Variants in DIP2C observed in about 807,000 individuals in gnomAD.
DIP2C encodes disco-interacting protein 2 homolog C.
In DIP2C, 33 loss-of-function variants were observed where a neutral mutation model predicts 192.4. The observed-to-expected ratio is 0.17, with a 90% CI of 0.13 to 0.23. The LOEUF (loss-of-function observed/expected upper bound fraction) is 0.23, where lower values mean the gene tolerates loss of function less well. Ranked by LOEUF, DIP2C falls within the 10% of genes least tolerant of loss-of-function variation. The probability of loss-of-function intolerance (pLI) is 1.00; values close to 1 mark genes in which losing one functional copy is unlikely to be tolerated. For missense variants in DIP2C, 1,537 were observed against 2,110.1 expected (o/e 0.73, Z 5.32); for synonymous variants, 979 against 864.1 (o/e 1.13, Z -2.33).
chr10:526,224 C>G (rs1227432358), intron 1 of DIP2C, among the ~76,000 whole-genome samples: 2 of 152,136 alleles, frequency 1.3e-5, no homozygotes, highest in South Asian at 4.1e-4. Flanking sequence ...CCCACAGCCG[C>G]GTGGTTTCCA....
At chr10:366,618 G>A (rs1403912549) in intron 18 of DIP2C, among the ~76,000 whole-genome samples, 1 of 152,112 alleles carries the variant, frequency 6.6e-6, no homozygotes. Flanking sequence ...TTTCATAGTT[G>A]AAACATCAAT....
chr10:552,426 AG>A (rs889714624), intron 1 of DIP2C, among the ~76,000 whole-genome samples: 1 of 152,228 alleles, frequency 6.6e-6, no homozygotes, highest in Non-Finnish European at 1.5e-5. Flanking sequence ...GGAAACAGAG[AG>A]GGAAATTTCT....
chr10:308,724 A>G (rs1399296754), intron 32 of DIP2C, among the ~76,000 whole-genome samples: 1 of 152,156 alleles, frequency 6.6e-6, no homozygotes, highest in African/African-American at 2.4e-5. Flanking sequence ...GAGGGCTCCT[A>G]CGTGGCCACC....
At chr10:617,317 GAC>G (rs1425972497) in intron 1 of DIP2C, among the ~76,000 whole-genome samples, 1 of 152,156 alleles carries the variant, frequency 6.6e-6, no homozygotes, top group Non-Finnish European at 1.5e-5. Flanking sequence ...TCCTGGCTGA[GAC>G]ACTAGTTCCA....
intron 36 of DIP2C, among the ~76,000 whole-genome samples, chr10:280,593 A>G (rs868245841): frequency 4.6e-5 from 7 of 152,214 alleles, no homozygotes; most frequent in South Asian, 2.1e-4. Context: ...CGGCAGCACC[A>G]TTGACATACT....
intron 14 of DIP2C, 55 bp from the exon 15 acceptor site, chr10:384,694 A>G (rs1962720862): frequency 6.4e-7 from 1 of 1,574,396 alleles, no homozygotes; most frequent in African/African-American, 1.3e-5. Flanking sequence ...GCAGAGGAGC[A>G]GCTCTCACCC....
intron 1 of DIP2C, among the ~76,000 whole-genome samples, chr10:625,539 G>A (rs757536325): frequency 2.0e-5 from 3 of 152,188 alleles, no homozygotes; most frequent in Admixed American, 6.5e-5. Flanking sequence ...GGTGGCCTGT[G>A]CCAGACAGCG....
chr10:643,610 A>G (rs1376101641), intron 1 of DIP2C, among the ~76,000 whole-genome samples: 2 of 152,230 alleles, frequency 1.3e-5, no homozygotes, highest in Admixed American at 1.3e-4. Flanking sequence ...GAGCATGCCA[A>G]GCTCAAAGAG....
At position 506,348 on chromosome 10, in the gene DIP2C, C is replaced by A. The variant is rs547658656; in HGVS notation, c.86-19818G>T. Among the ~76,000 whole-genome samples the A allele has an allele frequency of 1.6e-4, 25 of 152,230 alleles. No individual in the cohort carries two copies. The South Asian group carries it at 5.2e-3, about 32-fold the overall frequency. On this transcript the variant is annotated intron_variant, in intron 1 of 36. Transcript: ENST00000280886. ...TTCTGAGAGGGAAGCTGTGCCATGTCAGGGGTTGGGACAGCAGCAGCAAGG... is the reference window on the plus strand; with the variant it reads ...TTCTGAGAGGGAAGCTGTGCCATGTAAGGGGTTGGGACAGCAGCAGCAAGG...
chr10:414,030 T>A lies in DIP2C; in HGVS notation c.940A>T (p.Thr314Ser). Residue 314 changes from threonine to serine, a missense_variant, in exon 8 of 37, where the codon ACG becomes TCG. By Grantham distance (58) the Thr-to-Ser change is moderately conservative (BLOSUM62 1). Coordinates refer to ENST00000280886, the MANE Select transcript of DIP2C (RefSeq NM_014974.3). ...AMRGEQLGVV[T>S]NWPPSLEAAL... Reference sequence around the variant, plus strand: ...GCCTCCAGCGACGGCGGCCAGTTCGTGACCACGCCCAGCTGCTCTCCGCGC... The same window carrying A: ...GCCTCCAGCGACGGCGGCCAGTTCGAGACCACGCCCAGCTGCTCTCCGCGC... The A allele has an allele frequency of 6.2e-7, 1 of 1,614,152 alleles. No individual in the cohort carries two copies. Among genetic ancestry groups the A allele is most frequent in the Non-Finnish European group, 8.5e-7 (1 of 1,179,996 alleles).
chr10:378,217 G>A (rs56135630), intron 17 of DIP2C, among the ~76,000 whole-genome samples: 3,581 of 152,276 alleles, frequency 0.024, 57 homozygotes, highest in Middle Eastern at 0.075. Flanking sequence ...CAGTTTTAAA[G>A]AGAAAAAAAT....
chr10:535,311 A>C lies in DIP2C; in HGVS notation c.86-48781T>G, dbSNP rs1033392769. Among the ~76,000 whole-genome samples the C allele has an allele frequency of 6.6e-5, 10 of 151,318 alleles. 1 individual carries two copies. Among genetic ancestry groups the C allele is most frequent in the Admixed American group, 6.6e-5 (1 of 15,112 alleles). ...GGGGAGAGGAGACAAGCAGCAGGCG[A>C]GAGGGGCGCTGTGGAAACTCCATGC... On this transcript the variant is annotated intron_variant, in intron 1 of 36. Coordinates refer to ENST00000280886, the MANE Select transcript of DIP2C (RefSeq NM_014974.3).
chr10:522,671 CTTCTT>C, intron 1 of DIP2C, among the ~76,000 whole-genome samples: 1 of 152,250 alleles, frequency 6.6e-6, no homozygotes, highest in Non-Finnish European at 1.5e-5. Flanking sequence ...ATCTGTGTCT[CTTCTT>C]TGTTGGGGTA....
rs1847617794 is a variant in DIP2C at position 534,995 on chromosome 10, A to G, written c.86-48465T>C. On this transcript the variant is annotated intron_variant, in intron 1 of 36. Coordinates refer to ENST00000280886, the MANE Select transcript of DIP2C (RefSeq NM_014974.3). ...CCGGCCTGGATGATTATTTTTAACA[A>G]TAGGTACTCTTAAGAGCTCGGTGTA... Among the ~76,000 whole-genome samples, 3 of 152,284 alleles carry G rather than the reference A, an allele frequency of 2.0e-5. No homozygotes were observed. In the South Asian group the frequency reaches 6.2e-4, roughly 32 times the overall value.
rs113718596 is a variant in DIP2C at position 556,032 on chromosome 10, C to T, written c.86-69502G>A. Among the ~76,000 whole-genome samples the T allele has an allele frequency of 8.8e-3, 1,341 of 152,056 alleles. 35 individuals carry two copies. Among genetic ancestry groups the T allele is most frequent in the African/African-American group, 0.031 (1,289 of 41,370 alleles). Reference sequence around the variant, plus strand: ...CCTGTTACAGTCCAGTCGCAGCAGACTCCCTCACAGCACCCACCTCTCCCA... The same window carrying T: ...CCTGTTACAGTCCAGTCGCAGCAGATTCCCTCACAGCACCCACCTCTCCCA... On this transcript the variant is annotated intron_variant, in intron 1 of 36. Transcript: ENST00000280886.
intron 10 of DIP2C, among the ~76,000 whole-genome samples, chr10:395,136 GAGGGAGGAGAT>G (rs1963879858): frequency 1.1e-5 from 1 of 93,656 alleles, no homozygotes; most frequent in Non-Finnish European, 2.2e-5. Flanking sequence ...GGAGTTGGGG[GAGGGAGGAGAT>G]GGGGGGGAGG....
Position 390,372 on chromosome 10 carries a change from A to G in DIP2C, c.1386T>C (p.Gly462=). 6.2e-7 allele frequency: 1 copy of G among 1,613,792 alleles called. No homozygotes were observed. The highest frequency in any genetic ancestry group is 8.5e-7 in the Non-Finnish European group (1 of 1,179,896). ...TGACAAACCACAGCAGCTTTGGCCA[A>G]CCTTGGAAATAAACAACAAGTTCCT... ...SPTGEIPQFK[G]WPKLLWFVTE... The change falls in exon 12 of 37, where the codon GGT becomes GGC. Residue 462 remains glycine (G), a splice_region_variant and synonymous_variant. Transcript: ENST00000280886.
intron 1 of DIP2C, among the ~76,000 whole-genome samples, chr10:685,407 C>CA (rs1388626343): frequency 1.3e-5 from 2 of 151,922 alleles, no homozygotes; most frequent in Non-Finnish European, 2.9e-5. Flanking sequence ...GGGCATGGAA[C>CA]ACGCTGACAA....
Position 651,392 on chromosome 10 carries a change from T to TG in DIP2C, c.85+38101dup. 1.4e-6 allele frequency: 1 copy of TG among 700,430 alleles called. No individual in the cohort carries two copies. The highest frequency in any genetic ancestry group is 2.6e-6 in the Non-Finnish European group (1 of 383,820). The allele number at this position is 700,430 out of a possible 1,614,324, so 43.4% of individuals were successfully genotyped here. A position where few individuals can be genotyped will look rare whatever the true frequency, so the allele number is the denominator to read the frequency against. On this transcript the variant is annotated intron_variant, in intron 1 of 36. Transcript: ENST00000280886. The surrounding 1 kb of genome is among the most constrained non-coding windows in gnomAD (Gnocchi z 4.1). ...GTCCCAGGGAGGCCCCAGCAAACTG[T>TG]GGAACAACCAAACTCGTGACTGAAT...
Sources: allele counts gnomAD v4.1 joint callset (sites outside exome capture counted in the v4.1 genomes callset), GRCh38; gene constraint gnomAD v4.1.1; non-coding constraint Gnocchi (gnomAD v3.1); transcripts MANE v1.5; gene names NCBI Gene and HGNC (gene_info 2026-07-23, HGNC 2026-07-21).